CHST11: variants seen among roughly 807,000 people sequenced by gnomAD.
CHST11 encodes the protein C4S-1.
Under a neutral mutation model 30.4 loss-of-function variants are expected in CHST11, and 9 were observed. The ratio of observed to expected loss-of-function variants is 0.30; its 90% CI spans 0.18 to 0.52. The LOEUF (loss-of-function observed/expected upper bound fraction) is 0.52. CHST11 is among the 20% of genes least tolerant of loss of function. The pLI is 0.97. For missense variants in CHST11, 348 were observed against 460.6 expected (o/e 0.76, Z 2.24); for synonymous variants, 152 against 187.8 (o/e 0.81, Z 1.56).
chr12:104,615,606 T>TCTCACTTGTCTCACCA (rs2039101264), intron 2 of CHST11, among the ~76,000 whole-genome samples: 1 of 152,198 alleles, frequency 6.6e-6, no homozygotes, highest in South Asian at 2.1e-4. Flanking sequence ...ACCAGCTCTG[T>TCTCACTTGTCTCACCA]GCCTCACTTG....
intron 1 of CHST11, among the ~76,000 whole-genome samples, chr12:104,540,224 G>C (rs529178957): frequency 6.6e-6 from 1 of 152,304 alleles, no homozygotes; most frequent in African/African-American, 2.4e-5. Context: ...TGGAACTCAT[G>C]AATATGGAGG....
chr12:104,705,203 A>G (rs75180920), intron 2 of CHST11, among the ~76,000 whole-genome samples: 1 of 152,242 alleles, frequency 6.6e-6, no homozygotes, highest in East Asian at 1.9e-4. Flanking sequence ...CCTGGTGTAT[A>G]CAGTGTTACT....
chr12:104,486,388 GA>G (rs1184050367), intron 1 of CHST11, among the ~76,000 whole-genome samples: 1 of 151,920 alleles, frequency 6.6e-6, no homozygotes, highest in African/African-American at 2.4e-5. Flanking sequence ...AGGAATCGGG[GA>G]ATGCAGCGGG....
intron 1 of CHST11, among the ~76,000 whole-genome samples, chr12:104,543,454 T>G (rs1385451082): frequency 6.6e-6 from 1 of 152,242 alleles, no homozygotes; most frequent in African/African-American, 2.4e-5. Flanking sequence ...ATTTTGTGTT[T>G]CCATTTGCTC....
intron 1 of CHST11, among the ~76,000 whole-genome samples, chr12:104,575,583 C>T (rs977748208): frequency 1.5e-4 from 23 of 152,092 alleles, no homozygotes; most frequent in African/African-American, 4.8e-4. Flanking sequence ...AACATCTGTC[C>T]GTTTGAAGGA....
chr12:104,631,870 C>T (rs2039273639), intron 2 of CHST11, among the ~76,000 whole-genome samples: 1 of 152,216 alleles, frequency 6.6e-6, no homozygotes, highest in African/African-American at 2.4e-5. Flanking sequence ...AGCTGGGCCT[C>T]CCTGCTCCCC....
rs370545166 is a variant in CHST11, at chr12:104,520,437, G to A, written c.118+62908G>A. On this transcript the variant is annotated intron_variant, in intron 1 of 2. Coordinates refer to ENST00000303694, the MANE Select transcript of CHST11 (RefSeq NM_018413.6). The stretch of plus-strand genomic sequence containing the variant: ...GTAAGAAGGGCGGGTTAGTACATGG[G>A]TGGTGGTCAGGAGGAGCACCACTGC... Among the ~76,000 whole-genome samples, 77 of 152,224 alleles carry A rather than the reference G, an allele frequency of 5.1e-4. 1 individual carries two copies. In the South Asian group the frequency reaches 9.5e-3, roughly 19 times the overall value.
chr12:104,525,075 G>A (rs1351424758), intron 1 of CHST11, among the ~76,000 whole-genome samples: 1 of 150,434 alleles, frequency 6.6e-6, no homozygotes, highest in Non-Finnish European at 1.5e-5. Context: ...ATTTATTAAG[G>A]TATCCAATGG....
At chr12:104,663,846 C>T (rs2039619020) in intron 2 of CHST11, among the ~76,000 whole-genome samples, 1 of 152,166 alleles carries the variant, frequency 6.6e-6, no homozygotes, top group Non-Finnish European at 1.5e-5. Context: ...TATTCTTGTT[C>T]CCTTTCTTCC....
chr12:104,621,896 G>A (rs1030121711), intron 2 of CHST11, among the ~76,000 whole-genome samples: 2 of 152,188 alleles, frequency 1.3e-5, no homozygotes, highest in African/African-American at 2.4e-5. Context: ...CCTGGGAGAG[G>A]CCAGGTCTGT....
intron 2 of CHST11, among the ~76,000 whole-genome samples, chr12:104,668,409 G>A (rs767483279): frequency 9.2e-5 from 14 of 152,076 alleles, no homozygotes; most frequent in African/African-American, 1.9e-4. Context: ...ACCCACTCCC[G>A]AGACACCATG....
chr12:104,719,968 G>A (rs911119575), intron 2 of CHST11, among the ~76,000 whole-genome samples: 9 of 152,342 alleles, frequency 5.9e-5, no homozygotes, highest in African/African-American at 1.4e-4. Flanking sequence ...TCCCTGCTCC[G>A]TGGCTCCTGA....
At chr12:104,488,212 C>T (rs532061542) in intron 1 of CHST11, among the ~76,000 whole-genome samples, 1 of 152,206 alleles carries the variant, frequency 6.6e-6, no homozygotes, top group East Asian at 1.9e-4. Context: ...CACATGGGAA[C>T]CACGTTCAAA....
intron 2 of CHST11, among the ~76,000 whole-genome samples, chr12:104,742,168 A>C (rs1029341353): frequency 2.6e-5 from 4 of 152,226 alleles, no homozygotes; most frequent in African/African-American, 9.6e-5. Flanking sequence ...TTTGCAGATG[A>C]GGAAACTAAG....
At chr12:104,463,841 C>T (rs7135581) in intron 1 of CHST11, among the ~76,000 whole-genome samples, 122,248 of 152,048 alleles carry the variant, frequency 0.8, 49,349 homozygotes, top group East Asian at 0.99. Flanking sequence ...GGCAAGAACA[C>T]GCATGGCAAG....
intron 2 of CHST11, among the ~76,000 whole-genome samples, chr12:104,696,929 T>C (rs1434150288): frequency 6.6e-6 from 1 of 152,266 alleles, no homozygotes; most frequent in Non-Finnish European, 1.5e-5. Flanking sequence ...TGTGTTTTGA[T>C]GTCCAGCCCT....
At chr12:104,641,183 C>T (rs1044468322) in intron 2 of CHST11, among the ~76,000 whole-genome samples, 1 of 152,278 alleles carries the variant, frequency 6.6e-6, no homozygotes, top group Non-Finnish European at 1.5e-5. Flanking sequence ...GCAATAAAAT[C>T]CCCCACATTG....
In CHST11 at chr12:104,757,804, A is replaced by AG. The variant is rs777976837; in HGVS notation, c.*6dup. The AG allele has an allele frequency of 1.9e-6, 3 of 1,608,982 alleles. No homozygotes were observed. The African/African-American group carries it at 4.0e-5, about 21-fold the overall frequency. ...GCCAAGCTACCTGAAATTGGAATAA[A>AG]GGGGGTGGGGAGAGGGAGAGAATCA... is the stretch of plus-strand genomic sequence containing the variant. On this transcript the variant is annotated 3_prime_UTR_variant, in exon 3 of 3. Coordinates refer to ENST00000303694, the MANE Select transcript of CHST11 (RefSeq NM_018413.6). The surrounding 1 kb of genome is among the most constrained non-coding windows in gnomAD (Gnocchi z 6.5).
At chr12:104,707,074 T>A (rs1253121286) in intron 2 of CHST11, among the ~76,000 whole-genome samples, 1 of 152,134 alleles carries the variant, frequency 6.6e-6, no homozygotes, top group Admixed American at 6.5e-5. Context: ...CTCAGAGAAG[T>A]CCTCCCAGAC....
Sources: gnomAD v4.1 joint callset for allele counts (sites outside exome capture counted in the v4.1 genomes callset) on GRCh38, gnomAD v4.1.1 for gene constraint, Gnocchi (gnomAD v3.1) non-coding constraint, MANE v1.5 for transcripts, NCBI Gene and HGNC (gene_info 2026-07-23, HGNC 2026-07-21) for gene names.